The following ZNF407 variants were observed in gnomAD, a reference collection of about 807,000 sequenced individuals.
The protein encoded by ZNF407 is zinc finger protein 407.
A neutral mutation model predicts 131.2 loss-of-function variants in ZNF407; 17 were observed. The observed-to-expected ratio is 0.13, with a 90% CI of 0.09 to 0.19. The LOEUF is 0.19. Among genes scored for constraint, ZNF407 ranks in the 10% least tolerant of loss-of-function variants. The pLI is 1.00. For synonymous variants in ZNF407, 1,156 were observed against 1,062.0 expected, an observed-to-expected ratio of 1.09 and a Z score of -1.72; for missense variants, 2,681 against 2,830.6, an observed-to-expected ratio of 0.95 and a Z score of 1.20.
intron 3 of ZNF407, among the ~76,000 whole-genome samples, chr18:74,715,073 C>T (rs1186590509): frequency 6.6e-6 from 1 of 152,174 alleles, no homozygotes; most frequent in Admixed American, 6.5e-5. Context: ...TACACGTGAA[C>T]CAGTTACCTT....
chr18:74,979,692 A>G (rs907821059), intron 8 of ZNF407, among the ~76,000 whole-genome samples: 1 of 152,254 alleles, frequency 6.6e-6, no homozygotes, highest in African/African-American at 2.4e-5. Context: ...TGATTGAAAG[A>G]TTTATGAAGA....
intron 1 of ZNF407, among the ~76,000 whole-genome samples, chr18:74,611,578 A>G (rs73973921): frequency 0.026 from 3,924 of 152,292 alleles, 147 homozygotes; most frequent in African/African-American, 0.084. Flanking sequence ...ATTGGCAACA[A>G]TGTAAAAAGT....
At chr18:74,702,256 G>A (rs1967514815) in intron 3 of ZNF407, among the ~76,000 whole-genome samples, 1 of 152,092 alleles carries the variant, frequency 6.6e-6, no homozygotes, top group South Asian at 2.1e-4. Context: ...GGGATGAGAA[G>A]GATGTATGTG....
intron 3 of ZNF407, among the ~76,000 whole-genome samples, chr18:74,765,749 G>A (rs1322748468): frequency 6.6e-6 from 1 of 152,126 alleles, no homozygotes; most frequent in African/African-American, 2.4e-5. Flanking sequence ...GTGCATTCCA[G>A]CTGCCTGGCC....
chr18:74,766,170 T>G (rs547866398), intron 3 of ZNF407, among the ~76,000 whole-genome samples: 1 of 152,214 alleles, frequency 6.6e-6, no homozygotes, highest in South Asian at 2.1e-4. Flanking sequence ...TGTAAGGCGT[T>G]GTCATCACAT....
At chr18:74,972,394 C>T (rs1409712989) in intron 8 of ZNF407, among the ~76,000 whole-genome samples, 1 of 152,232 alleles carries the variant, frequency 6.6e-6, no homozygotes, top group Non-Finnish European at 1.5e-5. Flanking sequence ...CCTTTCCCCT[C>T]TCACCTTAAA....
intron 3 of ZNF407, among the ~76,000 whole-genome samples, chr18:74,743,654 G>T (rs1968601357): frequency 6.6e-6 from 1 of 151,854 alleles, no homozygotes; most frequent in Non-Finnish European, 1.5e-5. Context: ...ATTTTTAATG[G>T]AAATAACTTC....
At chr18:74,906,582 C>A (rs936830553) in intron 7 of ZNF407, among the ~76,000 whole-genome samples, 1 of 152,172 alleles carries the variant, frequency 6.6e-6, no homozygotes, top group Non-Finnish European at 1.5e-5. Context: ...ACAAAAGTTT[C>A]CTTGGACTTG....
intron 8 of ZNF407, among the ~76,000 whole-genome samples, chr18:75,022,910 G>A (rs559063999): frequency 6.6e-6 from 1 of 152,154 alleles, no homozygotes; most frequent in Non-Finnish European, 1.5e-5. Flanking sequence ...ATTAACAATA[G>A]CAAAGACACG....
In ZNF407 at chr18:74,762,712, A is replaced by T. The variant is rs574472958; in HGVS notation, c.4803-18716A>T. Among the ~76,000 whole-genome samples the T allele has an allele frequency of 1.4e-3, 214 of 150,906 alleles. 1 individual carries two copies. The highest frequency in any genetic ancestry group is 6.8e-3 in the East Asian group (35 of 5,152). Reference sequence around the variant, plus strand: ...TTTTCTTGTCAGTCTTTTTTTTTTTAAAATCATCATAGCTGCTTTTAGATT... The same window carrying T: ...TTTTCTTGTCAGTCTTTTTTTTTTTTAAATCATCATAGCTGCTTTTAGATT... On this transcript the variant is annotated intron_variant, in intron 3 of 8. Transcript: ENST00000299687.
chr18:74,701,859 A>G (rs983753953), intron 3 of ZNF407, among the ~76,000 whole-genome samples: 2 of 152,196 alleles, frequency 1.3e-5, no homozygotes, highest in African/African-American at 4.8e-5. Flanking sequence ...TACAGATTTT[A>G]GGAAATCGAT....
chr18:74,647,503 A>G (rs1985027808), intron 3 of ZNF407, among the ~76,000 whole-genome samples: 1 of 151,988 alleles, frequency 6.6e-6, no homozygotes, highest in African/African-American at 2.4e-5. Context: ...TCCCCACAGT[A>G]GAATATTAGG....
intron 1 of ZNF407, among the ~76,000 whole-genome samples, chr18:74,598,977 T>A (rs910085645): frequency 1.2e-4 from 19 of 152,346 alleles, no homozygotes; most frequent in African/African-American, 4.1e-4. Flanking sequence ...GTGATTTGAG[T>A]TACAGCTTTG....
At chr18:74,989,700 G>A (rs145691856) in intron 8 of ZNF407, among the ~76,000 whole-genome samples, 76 of 152,034 alleles carry the variant, frequency 5.0e-4, no homozygotes, top group African/African-American at 1.6e-3. Context: ...AAAATTAGCC[G>A]GGCATGGTGG....
intron 8 of ZNF407, among the ~76,000 whole-genome samples, chr18:74,945,000 A>T (rs1427278396): frequency 1.3e-5 from 2 of 152,188 alleles, no homozygotes; most frequent in East Asian, 3.9e-4. Flanking sequence ...TGGTTTACCC[A>T]TAACAGCCAG....
chr18:74,726,471 A>G (rs1301932893), intron 3 of ZNF407, among the ~76,000 whole-genome samples: 3 of 152,256 alleles, frequency 2.0e-5, no homozygotes, highest in Non-Finnish European at 4.4e-5. Flanking sequence ...AGAACAAAAT[A>G]TTAAGATGCA....
chr18:75,011,205 G>A (rs1426650653), intron 8 of ZNF407, among the ~76,000 whole-genome samples: 1 of 152,084 alleles, frequency 6.6e-6, no homozygotes, highest in Non-Finnish European at 1.5e-5. Context: ...ACACAAACAC[G>A]AATAAAGAAA....
intron 3 of ZNF407, among the ~76,000 whole-genome samples, chr18:74,711,557 A>G (rs1298117779): frequency 2.0e-5 from 3 of 152,210 alleles, no homozygotes; most frequent in Non-Finnish European, 2.9e-5. Context: ...GTGCAGTCTT[A>G]CTGACACCTT....
intron 8 of ZNF407, among the ~76,000 whole-genome samples, chr18:74,925,786 A>G (rs1340717875): frequency 6.6e-6 from 1 of 152,094 alleles, no homozygotes. Context: ...AAGGAACGAA[A>G]TTTTTCCTGA....
Sources: gnomAD v4.1 joint callset for allele counts (sites outside exome capture counted in the v4.1 genomes callset) on GRCh38, gnomAD v4.1.1 for gene constraint, MANE v1.5 for transcripts, NCBI Gene and HGNC (gene_info 2026-07-23, HGNC 2026-07-21) for gene names.